MOSPD2: variants seen among roughly 807,000 people sequenced by gnomAD.
The protein encoded by MOSPD2 is motile sperm domain-containing protein 2.
In MOSPD2, 5 loss-of-function variants were observed where a neutral mutation model predicts 41.7. The ratio of observed to expected loss-of-function variants is 0.12; its 90% CI spans 0.06 to 0.25. MOSPD2 has a LOEUF of 0.25. Ranked by LOEUF, MOSPD2 falls within the 10% of genes least tolerant of loss-of-function variation. MOSPD2 has a pLI of 1.00. For missense variants in MOSPD2, 282 were observed against 375.2 expected (o/e 0.75, Z 2.05); for synonymous variants, 115 against 126.9 (o/e 0.91, Z 0.63).
At chrX:14,876,087 G>T (rs1037149699) in intron 2 of MOSPD2, among the ~76,000 whole-genome samples, 4 of 112,047 alleles carry the variant, frequency 3.6e-5, no homozygotes, top group Non-Finnish European at 7.5e-5. Flanking sequence ...CATGGAAAAA[G>T]AAAATAGAAG....
intron 2 of MOSPD2, among the ~76,000 whole-genome samples, chrX:14,886,779 A>G (rs2092542404): frequency 9.0e-6 from 1 of 111,521 alleles, no homozygotes; most frequent in Non-Finnish European, 1.9e-5. Context: ...TAGACAGTCT[A>G]GGGGTGGGGC....
chrX:14,893,304 A>G (rs184988132), intron 3 of MOSPD2: 1 of 113,052 alleles, frequency 8.8e-6, no homozygotes, highest in African/African-American at 3.2e-5. Context: ...TGTTAAATGA[A>G]TGAGAGTCAC....
intron 7 of MOSPD2, among the ~76,000 whole-genome samples, chrX:14,904,492 A>G (rs968870310): frequency 8.9e-6 from 1 of 111,966 alleles, no homozygotes; most frequent in Admixed American, 9.5e-5. Flanking sequence ...GTTAGACCAC[A>G]GTAGTCCACA....
intron 10 of MOSPD2, 84 bp downstream of exon 10, chrX:14,912,445 A>C: frequency 1.6e-6 from 1 of 640,793 alleles, no homozygotes; most frequent in Non-Finnish European, 2.3e-6. Context: ...GAAAACTTCT[A>C]TTTGGTTTTT....
chrX:14,912,716 T>A lies in MOSPD2; in HGVS notation c.992+355T>A, dbSNP rs1027079046. On this transcript the variant is annotated intron_variant, in intron 10 of 14. Coordinates refer to ENST00000380492, the MANE Select transcript of MOSPD2 (RefSeq NM_152581.4). ...GACACTAAAGTAAGGATTTGTTGATTTTACTTTCCAGAAGCCAAAGATGAA... is the reference window on the plus strand; with the variant it reads ...GACACTAAAGTAAGGATTTGTTGATATTACTTTCCAGAAGCCAAAGATGAA... 3.6e-5 allele frequency among the ~76,000 whole-genome samples: 4 copies of A among 112,357 alleles called. No homozygotes were observed. The South Asian group carries it at 1.1e-3, about 31-fold the overall frequency.
Position 14,873,776 on chromosome X carries a change from G to A in MOSPD2, c.79+18G>A. ...TGTGACAGGTGGGTACTCTGTTCCA[G>A]GTATTAAGAAAGGTGTGCAGTGAGC... On this transcript the variant is annotated intron_variant, in intron 2 of 14. Transcript: ENST00000380492. 8.5e-7 allele frequency: 1 copy of A among 1,178,252 alleles called. No homozygotes were observed.
At chrX:14,880,201 T>C (rs2092528763) in intron 2 of MOSPD2, among the ~76,000 whole-genome samples, 1 of 111,063 alleles carries the variant, frequency 9.0e-6, no homozygotes, top group African/African-American at 3.3e-5. Flanking sequence ...ATTTTCCTTA[T>C]AGTGGTTAAC....
chrX:14,918,331 G>C (rs1298444868), intron 13 of MOSPD2, among the ~76,000 whole-genome samples: 1 of 111,685 alleles, frequency 9.0e-6, no homozygotes, highest in Non-Finnish European at 1.9e-5. Context: ...GAGGCTTGAT[G>C]GTGGGGTACT....
At chrX:14,894,316 ATTTTT>A (rs759189386) in intron 3 of MOSPD2, among the ~76,000 whole-genome samples, 1 of 66,534 alleles carries the variant, frequency 1.5e-5, no homozygotes. Flanking sequence ...TTATTGATTG[ATTTTT>A]TTTTTTTTTT....
chrX:14,903,215 TA>T (rs990956549), intron 7 of MOSPD2, among the ~76,000 whole-genome samples: 4 of 111,081 alleles, frequency 3.6e-5, no homozygotes, highest in African/African-American at 1.3e-4. Context: ...TAGTCTTCTT[TA>T]AAAACAGCCT....
chrX:14,892,718 C>T lies in MOSPD2; in HGVS notation c.80-5C>T. On this transcript the variant is annotated splice_region_variant and splice_polypyrimidine_tract_variant and intron_variant, in intron 2 of 14. Coordinates refer to ENST00000380492, the MANE Select transcript of MOSPD2 (RefSeq NM_152581.4). ...CTTGGATGTTTATTACTGTTTTTTC[C>T]CTAGATAAGTCAGATAAATATGATG... is the stretch of plus-strand genomic sequence containing the variant. 1 of 1,183,005 alleles carries T rather than the reference C, an allele frequency of 8.5e-7. No homozygotes were observed. Among genetic ancestry groups the T allele is most frequent in the Non-Finnish European group, 1.1e-6 (1 of 877,231 alleles).
chrX:14,879,598 A>G (rs906275861), intron 2 of MOSPD2, among the ~76,000 whole-genome samples: 13 of 111,641 alleles, frequency 1.2e-4, no homozygotes, highest in Admixed American at 6.7e-4. Flanking sequence ...GGGGTCTGCA[A>G]TTATTTTTAA....
In MOSPD2 at chrX:14,912,513, G is replaced by A. The variant is rs762697482; in HGVS notation, c.992+152G>A. ...TGAAGACTTACCTTGGTTTCCAGAC[G>A]TAGTGCATATGTTTAGCTACCTTGC... is the stretch of plus-strand genomic sequence containing the variant. On this transcript the variant is annotated intron_variant, in intron 10 of 14. Coordinates refer to ENST00000380492, the MANE Select transcript of MOSPD2 (RefSeq NM_152581.4). 3.6e-5 allele frequency: 13 copies of A among 359,535 alleles called. No homozygotes were observed. The South Asian group carries it at 5.2e-4, about 14-fold the overall frequency. 29.6% of individuals were successfully genotyped at this position (359,535 alleles called of 1,213,427 possible).
chrX:14,894,987 G>T (rs192358148), intron 3 of MOSPD2, among the ~76,000 whole-genome samples: 187 of 111,921 alleles, frequency 1.7e-3, no homozygotes, highest in African/African-American at 6.0e-3. Flanking sequence ...ATATTTACTA[G>T]AATGTTCTCT....
At chrX:14,908,608 T>G (rs1467763590) in intron 7 of MOSPD2, among the ~76,000 whole-genome samples, 1 of 111,778 alleles carries the variant, frequency 8.9e-6, no homozygotes, top group Non-Finnish European at 1.9e-5. Context: ...AAAACCCTGA[T>G]AAGTTTATTA....
intron 3 of MOSPD2, 147 bp downstream of exon 3, chrX:14,893,025 C>G: frequency 4.8e-6 from 2 of 421,017 alleles, no homozygotes; most frequent in Non-Finnish European, 8.0e-6. Flanking sequence ...GTAATATTTT[C>G]AAAGGAACAG....
At chrX:14,901,741 A>T (rs959086125) in intron 6 of MOSPD2, among the ~76,000 whole-genome samples, 19 of 110,683 alleles carry the variant, frequency 1.7e-4, no homozygotes, top group African/African-American at 5.9e-4. Context: ...TCAGTAGGGA[A>T]TCACTACCCC....
At chrX:14,896,712 T>C (rs2092563778) in intron 4 of MOSPD2, among the ~76,000 whole-genome samples, 2 of 112,774 alleles carry the variant, frequency 1.8e-5, no homozygotes, top group African/African-American at 6.4e-5. Context: ...TCCATCGCCC[T>C]GTGTCAGTAT....
chrX:14,919,594 T>A, intron 14 of MOSPD2, 78 bp from the exon 15 acceptor site: 1 of 788,776 alleles, frequency 1.3e-6, no homozygotes, highest in South Asian at 2.6e-5. Flanking sequence ...TTTGGATTTC[T>A]AGTATTCCTG....
Sources: allele counts gnomAD v4.1 joint callset (sites outside exome capture counted in the v4.1 genomes callset), GRCh38; gene constraint gnomAD v4.1.1; transcripts MANE v1.5; gene names NCBI Gene and HGNC (gene_info 2026-07-23, HGNC 2026-07-21).